Variants in RBFOX3 observed in about 807,000 individuals in gnomAD.
RBFOX3 encodes RNA binding protein fox-1 homolog 3.
RBFOX3 carries 17 observed loss-of-function variants against 48.7 expected under a neutral mutation model. The ratio of observed to expected loss-of-function variants is 0.35; its 90% CI spans 0.24 to 0.52. The LOEUF is 0.52. Among genes scored for constraint, RBFOX3 ranks in the 20% least tolerant of loss-of-function variants. The probability of loss-of-function intolerance (pLI) is 0.94; values close to 1 mark genes in which losing one functional copy is unlikely to be tolerated. For synonymous variants in RBFOX3, 212 were observed against 209.5 expected (o/e 1.01, Z -0.10); for missense variants, 382 against 497.5 (o/e 0.77, Z 2.21).
At position 79,090,783 on chromosome 17, in the gene RBFOX3, G is replaced by T; in HGVS notation, c.*100C>A. 1.5e-6 allele frequency: 2 copies of T among 1,330,928 alleles called. No homozygotes were observed. The highest frequency in any genetic ancestry group is 1.5e-5 in the South Asian group (1 of 68,546). 82.4% of individuals were successfully genotyped at this position (1,330,928 alleles called of 1,614,324 possible). ...TGGTTTGGTTGGTTTTTTTTTTGTT[G>T]CTTGGATCTTAACATCTTTTTTTGT... is the stretch of plus-strand genomic sequence containing the variant. On this transcript the variant is annotated 3_prime_UTR_variant, in exon 15 of 15. Transcript: ENST00000693108.
At chr17:79,656,772 AG>A in the RBFOX3 span, among the ~76,000 whole-genome samples, 4 of 33,906 alleles carry the variant, frequency 1.2e-4, no homozygotes, top group African/African-American at 1.6e-4. Flanking sequence ...GAAGGAAGGA[AG>A]GAAGGAAAGA....
the RBFOX3 span, among the ~76,000 whole-genome samples, chr17:79,620,299 A>G: frequency 1.3e-5 from 2 of 151,372 alleles, no homozygotes; most frequent in Non-Finnish European, 2.9e-5. Flanking sequence ...ACACGCACAC[A>G]CGCACATGCA....
chr17:79,572,560 G>A (rs2092713093), intron 1 of RBFOX3, among the ~76,000 whole-genome samples: 1 of 152,138 alleles, frequency 6.6e-6, no homozygotes, highest in Non-Finnish European at 1.5e-5. Flanking sequence ...AACAGGGTGG[G>A]GGGAGGGAGG....
chr17:79,126,231 T>C (rs1265223428), intron 4 of RBFOX3, among the ~76,000 whole-genome samples: 1 of 152,224 alleles, frequency 6.6e-6, no homozygotes, highest in Non-Finnish European at 1.5e-5. Context: ...GGCTTGAGGC[T>C]GTCAGCCCCA....
At chr17:79,518,144 C>A (rs896456735) in intron 1 of RBFOX3, among the ~76,000 whole-genome samples, 1 of 152,164 alleles carries the variant, frequency 6.6e-6, no homozygotes, top group African/African-American at 2.4e-5. Flanking sequence ...GCTATGGAAA[C>A]AATTAAACAG....
chr17:79,313,959 T>C, intron 2 of RBFOX3, among the ~76,000 whole-genome samples: 1 of 152,198 alleles, frequency 6.6e-6, no homozygotes, highest in Non-Finnish European at 1.5e-5. Context: ...TGTCCGGCTC[T>C]TGCCCGCAAC....
intron 4 of RBFOX3, among the ~76,000 whole-genome samples, chr17:79,154,655 C>T (rs547298858): frequency 1.2e-4 from 18 of 152,336 alleles, no homozygotes; most frequent in South Asian, 1.0e-3. Context: ...TCGCCCTGCC[C>T]GGTCCCCACG....
At chr17:79,325,892 C>G (rs1358348596) in intron 2 of RBFOX3, among the ~76,000 whole-genome samples, 1 of 152,172 alleles carries the variant, frequency 6.6e-6, no homozygotes. Flanking sequence ...GAAAAACCCA[C>G]CCGGGAGCTG....
intron 4 of RBFOX3, among the ~76,000 whole-genome samples, chr17:79,197,345 T>G (rs998154456): frequency 6.6e-6 from 1 of 151,882 alleles, no homozygotes; most frequent in Non-Finnish European, 1.5e-5. Flanking sequence ...CTCTTTTCTC[T>G]GGGACAAACC....
At chr17:79,333,945 C>T (rs185414993) in intron 2 of RBFOX3, among the ~76,000 whole-genome samples, 3 of 152,292 alleles carry the variant, frequency 2.0e-5, no homozygotes, top group South Asian at 2.1e-4. Context: ...ACTGCCACAT[C>T]GTCCCTTCCT....
intron 4 of RBFOX3, among the ~76,000 whole-genome samples, chr17:79,222,519 C>G (rs532884175): frequency 6.6e-6 from 1 of 152,358 alleles, no homozygotes; most frequent in Admixed American, 6.5e-5. Context: ...GCCCCTGCAC[C>G]TGAGACTCTG....
chr17:79,480,993 A>T lies in RBFOX3; in HGVS notation c.-175+1461T>A, dbSNP rs2078698001. 6.6e-6 allele frequency among the ~76,000 whole-genome samples: 1 copy of T among 152,184 alleles called. No individual in the cohort carries two copies. The highest frequency in any genetic ancestry group is 2.1e-4 in the South Asian group (1 of 4,816). ...GGTTGTGGAATGAACAATGTAGGGC[A>T]GTCTGGATGGATGAGCTACGGCAAG... On this transcript the variant is annotated intron_variant, in intron 2 of 14. Transcript: ENST00000693108. The surrounding 1 kb of genome is among the most constrained non-coding windows in gnomAD (Gnocchi z 4.8).
chr17:79,549,091 GGCAGA>G (rs1348805577), intron 1 of RBFOX3, among the ~76,000 whole-genome samples: 6 of 152,206 alleles, frequency 3.9e-5, no homozygotes, highest in Non-Finnish European at 7.3e-5. Flanking sequence ...TTGTCCCCAG[GGCAGA>G]GCAAACACCA....
chr17:79,512,859 G>A (rs1300226608), intron 1 of RBFOX3, among the ~76,000 whole-genome samples: 7 of 145,610 alleles, frequency 4.8e-5, no homozygotes, highest in South Asian at 2.2e-4. Context: ...CCCATGGCCA[G>A]GGGACGCACA....
At chr17:79,174,024 G>A (rs2049964181) in intron 4 of RBFOX3, among the ~76,000 whole-genome samples, 1 of 152,086 alleles carries the variant, frequency 6.6e-6, no homozygotes, top group Non-Finnish European at 1.5e-5. Context: ...CTAGTTCCTT[G>A]TGAAGTCCCA....
intron 2 of RBFOX3, among the ~76,000 whole-genome samples, chr17:79,432,094 G>A (rs2068563455): frequency 6.6e-6 from 1 of 152,200 alleles, no homozygotes; most frequent in Admixed American, 6.5e-5. Context: ...CACGTTTTCT[G>A]GCTTCATTCA....
At chr17:79,231,091 C>T (rs2060983366) in intron 4 of RBFOX3, among the ~76,000 whole-genome samples, 2 of 152,164 alleles carry the variant, frequency 1.3e-5, no homozygotes, top group African/African-American at 4.8e-5. Flanking sequence ...GGTGCAGTGA[C>T]CCCAGGTCAA....
At chr17:79,544,510 G>C (rs1235557970) in intron 1 of RBFOX3, among the ~76,000 whole-genome samples, 1 of 152,020 alleles carries the variant, frequency 6.6e-6, no homozygotes, top group East Asian at 1.9e-4. Context: ...AAGCGCAGAA[G>C]GATCAGGAGC....
At chr17:79,656,650 A>G in the RBFOX3 span, among the ~76,000 whole-genome samples, 8 of 133,568 alleles carry the variant, frequency 6.0e-5, no homozygotes, top group African/African-American at 2.2e-4. Context: ...AAGAGAAGAA[A>G]GAAAGGAAGA....
Sources: gnomAD v4.1 joint callset for allele counts (sites outside exome capture counted in the v4.1 genomes callset) on GRCh38, gnomAD v4.1.1 for gene constraint, Gnocchi (gnomAD v3.1) non-coding constraint, MANE v1.5 for transcripts, NCBI Gene and HGNC (gene_info 2026-07-23, HGNC 2026-07-21) for gene names.